AGAP1: variants seen among roughly 807,000 people sequenced by gnomAD.
AGAP1 encodes ArfGAP with GTPase domain, ankyrin repeat and PH domain 1.
In AGAP1, 29 loss-of-function variants were observed where a neutral mutation model predicts 105.3. The ratio of observed to expected loss-of-function variants is 0.28; its 90% CI spans 0.21 to 0.38. AGAP1 has a LOEUF of 0.38. Ranked by LOEUF, AGAP1 falls within the 10% of genes least tolerant of loss-of-function variation. The pLI is 1.00. For missense variants in AGAP1, 998 were observed against 1,165.1 expected, an observed-to-expected ratio of 0.86 and a Z score of 2.09; for synonymous variants, 509 against 485.9, an observed-to-expected ratio of 1.05 and a Z score of -0.63.
intron 1 of AGAP1, among the ~76,000 whole-genome samples, chr2:235,657,436 TG>T (rs763695298): frequency 1.4e-4 from 22 of 152,206 alleles, no homozygotes; most frequent in Non-Finnish European, 1.3e-4. Context: ...TGGAGTGTAA[TG>T]GCGCCACCTC....
intron 9 of AGAP1, among the ~76,000 whole-genome samples, chr2:235,812,038 G>A (rs1477379762): frequency 1.3e-5 from 2 of 152,184 alleles, no homozygotes; most frequent in African/African-American, 2.4e-5. Context: ...TCCGTCCTCT[G>A]CGATGCCCGC....
Position 235,729,413 on chromosome 2 carries a change from G to A in AGAP1, c.311-11550G>A, listed in dbSNP as rs1951822513. Among the ~76,000 whole-genome samples, 1 of 152,156 alleles carries A rather than the reference G, an allele frequency of 6.6e-6. No homozygotes were observed. On this transcript the variant is annotated intron_variant, in intron 3 of 17. Coordinates refer to ENST00000304032, the MANE Select transcript of AGAP1 (RefSeq NM_001037131.3). The surrounding 1 kb of genome is among the most constrained non-coding windows in gnomAD (Gnocchi z 5.0). ...TCGTTCCAAGATGTTCCAGAGGCAG[G>A]AGGTTCCTGGAAGAACCACTGGGCC...
At position 235,879,237 on chromosome 2, in the gene AGAP1, C is replaced by A. The variant is rs1233584576; in HGVS notation, c.1051-4108C>A. Among the ~76,000 whole-genome samples, 1 of 152,188 alleles carries A rather than the reference C, an allele frequency of 6.6e-6. No individual in the cohort carries two copies. Among genetic ancestry groups the A allele is most frequent in the African/African-American group, 2.4e-5 (1 of 41,446 alleles). ...GGAGCAGGGGACATGACTGCACAGC[C>A]GGGCTGAGCATGGGGTAGTGCTCCA... On this transcript the variant is annotated intron_variant, in intron 9 of 17. Coordinates refer to ENST00000304032, the MANE Select transcript of AGAP1 (RefSeq NM_001037131.3). This position sits in a 1 kb window ranked among gnomAD's most constrained non-coding sequence, Gnocchi z 5.0.
At position 235,741,510 on chromosome 2, in the gene AGAP1, C is replaced by G. The variant is rs929303613; in HGVS notation, c.396+462C>G. 6.6e-6 allele frequency among the ~76,000 whole-genome samples: 1 copy of G among 152,208 alleles called. No individual in the cohort carries two copies. The highest frequency in any genetic ancestry group is 2.4e-5 in the African/African-American group (1 of 41,448). On this transcript the variant is annotated intron_variant, in intron 4 of 17. Transcript: ENST00000304032. This position sits in a 1 kb window ranked among gnomAD's most constrained non-coding sequence, Gnocchi z 4.9. ...ATTGGCCCCTCTGTGCCGCCCTGGCCTTGGCCCAAGCAAGGCAGTCTCCAC... is the reference window on the plus strand; with the variant it reads ...ATTGGCCCCTCTGTGCCGCCCTGGCGTTGGCCCAAGCAAGGCAGTCTCCAC...
intron 1 of AGAP1, chr2:235,670,863 G>A (rs1213518117): frequency 1.4e-6 from 2 of 1,383,166 alleles, no homozygotes; most frequent in African/African-American, 1.5e-5. Flanking sequence ...GCGGCGGCCG[G>A]GGCCGGCGCG....
At chr2:235,850,470 A>C (rs944493337) in intron 9 of AGAP1, among the ~76,000 whole-genome samples, 1 of 152,180 alleles carries the variant, frequency 6.6e-6, no homozygotes, top group African/African-American at 2.4e-5. Flanking sequence ...CTGGCAGGAC[A>C]TCAGCCGGCT....
chr2:235,563,831 G>T (rs1944249737), intron 1 of AGAP1, among the ~76,000 whole-genome samples: 1 of 152,138 alleles, frequency 6.6e-6, no homozygotes, highest in African/African-American at 2.4e-5. Flanking sequence ...TTTAATCCTT[G>T]TCACAACCCC....
intron 3 of AGAP1, among the ~76,000 whole-genome samples, chr2:235,730,535 G>A (rs1427206621): frequency 6.6e-6 from 1 of 150,396 alleles, no homozygotes; most frequent in Non-Finnish European, 1.5e-5. Flanking sequence ...GGGCTGGAGT[G>A]CAGTGGTGCC....
At chr2:235,938,446 A>T (rs1403213427) in intron 12 of AGAP1, among the ~76,000 whole-genome samples, 1 of 152,212 alleles carries the variant, frequency 6.6e-6, no homozygotes, top group East Asian at 1.9e-4. Flanking sequence ...AGGCCATCAG[A>T]TGTGTGGATG....
rs752808919 is a variant in AGAP1 at position 235,664,245 on chromosome 2, A to G, written c.164-44934A>G. Among the ~76,000 whole-genome samples the G allele has an allele frequency of 2.6e-5, 4 of 151,236 alleles. No individual in the cohort carries two copies. The highest frequency in any genetic ancestry group is 5.9e-5 in the Non-Finnish European group (4 of 67,888). ...TTTTTTTTCGAGACGGAGTTTCACT[A>G]TTGTTGCCCAGGCTAGAGTGCAGTG... is the stretch of plus-strand genomic sequence containing the variant. On this transcript the variant is annotated intron_variant, in intron 1 of 17. Transcript: ENST00000304032. This position sits in a 1 kb window ranked among gnomAD's most constrained non-coding sequence, Gnocchi z 5.7.
At position 235,494,867 on chromosome 2, in the gene AGAP1, T is replaced by A. The variant is rs201403330; in HGVS notation, c.163+18T>A. The A allele has an allele frequency of 8.4e-6, 13 of 1,542,398 alleles. No individual in the cohort carries two copies. The African/African-American group carries it at 1.2e-4, about 14-fold the overall frequency. Reference sequence around the variant, plus strand: ...CATCGAAGGTGAGGGCCGGGCCGCCTTGGGGCCTCGGGAAGGCACGGACGC... The same window carrying A: ...CATCGAAGGTGAGGGCCGGGCCGCCATGGGGCCTCGGGAAGGCACGGACGC... On this transcript the variant is annotated intron_variant, in intron 1 of 17. Coordinates refer to ENST00000304032, the MANE Select transcript of AGAP1 (RefSeq NM_001037131.3).
intron 1 of AGAP1, among the ~76,000 whole-genome samples, chr2:235,588,323 G>A (rs781743296): frequency 2.3e-4 from 35 of 151,990 alleles, no homozygotes; most frequent in Admixed American, 5.9e-4. Flanking sequence ...AGGATCCATT[G>A]GGGATAAAAT....
chr2:235,515,813 T>G (rs1046669595), intron 1 of AGAP1, among the ~76,000 whole-genome samples: 1 of 152,142 alleles, frequency 6.6e-6, no homozygotes, highest in Admixed American at 6.5e-5. Flanking sequence ...GTAAGGAAAT[T>G]AAACACGCAC....
chr2:235,603,471 G>T lies in AGAP1; in HGVS notation c.164-105708G>T, dbSNP rs146652846. ...AGATATGTGCCAGACACCAAGATCA[G>T]AATGGGTGCTTCGCAGTGCTCAATA... is the stretch of plus-strand genomic sequence containing the variant. On this transcript the variant is annotated intron_variant, in intron 1 of 17. Coordinates refer to ENST00000304032, the MANE Select transcript of AGAP1 (RefSeq NM_001037131.3). Among the ~76,000 whole-genome samples the T allele has an allele frequency of 1.4e-4, 22 of 152,320 alleles. 1 individual carries two copies. Among genetic ancestry groups the T allele is most frequent in the African/African-American group, 4.3e-4 (18 of 41,564 alleles).
intron 11 of AGAP1, among the ~76,000 whole-genome samples, chr2:235,911,354 T>C (rs1263914466): frequency 6.6e-6 from 1 of 152,062 alleles, no homozygotes; most frequent in African/African-American, 2.4e-5. Context: ...CCAGTGATGC[T>C]GCGGTCGGCT....
chr2:235,901,994 A>C lies in AGAP1; in HGVS notation c.1156-6744A>C, dbSNP rs2125000547. Among the ~76,000 whole-genome samples the C allele has an allele frequency of 6.6e-6, 1 of 152,364 alleles. No homozygotes were observed. The highest frequency in any genetic ancestry group is 1.9e-4 in the East Asian group (1 of 5,196). ...ACAAAGAAAATATGTAATCCATTTA[A>C]AATAACAATAAACCACCCATTACAT... is the stretch of plus-strand genomic sequence containing the variant. On this transcript the variant is annotated intron_variant, in intron 10 of 17. Coordinates refer to ENST00000304032, the MANE Select transcript of AGAP1 (RefSeq NM_001037131.3). This position sits in a 1 kb window ranked among gnomAD's most constrained non-coding sequence, Gnocchi z 4.3.
At chr2:236,026,437 A>T (rs2057056343) in intron 13 of AGAP1, among the ~76,000 whole-genome samples, 1 of 152,204 alleles carries the variant, frequency 6.6e-6, no homozygotes, top group Non-Finnish European at 1.5e-5. Flanking sequence ...AGTTAGAAAG[A>T]AGTATGACAC....
chr2:235,650,539 AAAG>A (rs1174774924), intron 1 of AGAP1, among the ~76,000 whole-genome samples: 1 of 152,094 alleles, frequency 6.6e-6, no homozygotes. Context: ...GGGATATGGC[AAAG>A]AAGTAAACAT....
chr2:235,783,515 AC>A, intron 6 of AGAP1: 1 of 366,006 alleles, frequency 2.7e-6, no homozygotes, highest in Non-Finnish European at 5.5e-6. Context: ...AGACCTTGTG[AC>A]GTCCCTGTCA....
Sources: allele counts gnomAD v4.1 joint callset (sites outside exome capture counted in the v4.1 genomes callset), GRCh38; gene constraint gnomAD v4.1.1; non-coding constraint Gnocchi (gnomAD v3.1); transcripts MANE v1.5; gene names NCBI Gene and HGNC (gene_info 2026-07-23, HGNC 2026-07-21).